SCUBE1: variants seen among roughly 807,000 people sequenced by gnomAD.
The protein encoded by SCUBE1 is signal peptide, CUB domain and EGF like domain containing 1, also known as signal peptide, CUB and EGF-like domain-containing protein 1.
In SCUBE1, 59 loss-of-function variants were observed where a neutral mutation model predicts 124.4. The ratio of observed to expected loss-of-function variants is 0.47; its 90% CI spans 0.38 to 0.59. The LOEUF (loss-of-function observed/expected upper bound fraction) is 0.59. SCUBE1 is among the 20% of genes least tolerant of loss of function. The pLI is 0.00. For synonymous variants in SCUBE1, 545 were observed against 550.9 expected (o/e 0.99, Z 0.15); for missense variants, 1,150 against 1,371.2 (o/e 0.84, Z 2.55).
chr22:43,334,786 A>C (rs1211079651), intron 2 of SCUBE1, among the ~76,000 whole-genome samples: 4 of 152,198 alleles, frequency 2.6e-5, no homozygotes, highest in African/African-American at 9.6e-5. Context: ...CATATGTGCC[A>C]AGCTATGTTC....
chr22:43,295,950 C>G (rs1399139339), intron 3 of SCUBE1, among the ~76,000 whole-genome samples: 1 of 152,052 alleles, frequency 6.6e-6, no homozygotes, highest in Non-Finnish European at 1.5e-5. Context: ...CTGGAGGAGG[C>G]GGAGGTGTTC....
chr22:43,293,443 T>G (rs772521731), intron 3 of SCUBE1, among the ~76,000 whole-genome samples: 10 of 152,218 alleles, frequency 6.6e-5, no homozygotes, highest in Admixed American at 2.0e-4. Context: ...GGCCCCAGGC[T>G]AAGCTGGCTG....
At position 43,258,121 on chromosome 22, in the gene SCUBE1, G is replaced by A. The variant is rs1290344182; in HGVS notation, c.727+98C>T. 1 of 869,462 alleles carries A rather than the reference G, an allele frequency of 1.2e-6. No homozygotes were observed. Among genetic ancestry groups the A allele is most frequent in the Non-Finnish European group, 1.9e-6 (1 of 521,984 alleles). 53.9% of individuals were successfully genotyped at this position (869,462 alleles called of 1,614,324 possible). Reference sequence around the variant, plus strand: ...TGTTTCCCTGAAGCTTCCTTCCGGGGAACCCGGACGTGGCAGGGTGCTGGC... The same window carrying A: ...TGTTTCCCTGAAGCTTCCTTCCGGGAAACCCGGACGTGGCAGGGTGCTGGC... On this transcript the variant is annotated intron_variant, in intron 6 of 21. Transcript: ENST00000360835. The surrounding 1 kb of genome is among the most constrained non-coding windows in gnomAD (Gnocchi z 5.0).
chr22:43,296,662 C>T (rs573838656), intron 3 of SCUBE1, among the ~76,000 whole-genome samples: 7 of 152,320 alleles, frequency 4.6e-5, no homozygotes, highest in East Asian at 3.9e-4. Flanking sequence ...CTGTCTGGAC[C>T]GGCGTGGTTG....
At chr22:43,227,883 C>T (rs756289867) in intron 9 of SCUBE1, among the ~76,000 whole-genome samples, 10 of 152,178 alleles carry the variant, frequency 6.6e-5, no homozygotes, top group Non-Finnish European at 1.3e-4. Flanking sequence ...TTTCTAGCCC[C>T]GGGTCCCCTG....
intron 4 of SCUBE1, chr22:43,282,262 C>G (rs116245429): frequency 6.6e-6 from 1 of 152,374 alleles, no homozygotes; most frequent in Non-Finnish European, 1.5e-5. Flanking sequence ...AGGATGGACA[C>G]GGGCACCCAT....
intron 6 of SCUBE1, among the ~76,000 whole-genome samples, chr22:43,252,489 G>C (rs553996203): frequency 6.6e-6 from 1 of 152,316 alleles, no homozygotes; most frequent in South Asian, 2.1e-4. Flanking sequence ...ACAGACTCTG[G>C]AGCCACGTGG....
chr22:43,322,268 C>T (rs1325214173), intron 2 of SCUBE1, among the ~76,000 whole-genome samples: 1 of 152,186 alleles, frequency 6.6e-6, no homozygotes, highest in Non-Finnish European at 1.5e-5. Context: ...CAGATGTAAG[C>T]CACCTCGTCC....
intron 1 of SCUBE1, among the ~76,000 whole-genome samples, chr22:43,342,365 C>T (rs1601907479): frequency 6.6e-6 from 1 of 152,054 alleles, no homozygotes; most frequent in East Asian, 1.9e-4. Flanking sequence ...TCCGGACTCT[C>T]CTCCCTGTGT....
intron 6 of SCUBE1, among the ~76,000 whole-genome samples, chr22:43,244,113 C>T (rs1202583557): frequency 6.6e-6 from 1 of 151,968 alleles, no homozygotes; most frequent in Non-Finnish European, 1.5e-5. Flanking sequence ...AAGGCCCAGA[C>T]CTCGCCTTTC....
chr22:43,204,237 T>G, intron 21 of SCUBE1, 88 bp from the exon 22 acceptor site: 42 of 1,097,368 alleles, frequency 3.8e-5, no homozygotes, highest in Non-Finnish European at 5.3e-5. Context: ...GGGAGAGAGA[T>G]GCGCTGGCTG....
intron 3 of SCUBE1, among the ~76,000 whole-genome samples, chr22:43,298,646 G>T (rs190900030): frequency 2.0e-5 from 3 of 152,188 alleles, no homozygotes; most frequent in Admixed American, 2.0e-4. Context: ...GGAGTCTACC[G>T]CCCAGTGCAG....
chr22:43,242,469 T>C (rs935416110), intron 6 of SCUBE1, among the ~76,000 whole-genome samples: 1 of 152,284 alleles, frequency 6.6e-6, no homozygotes, highest in Admixed American at 6.5e-5. Context: ...GGCAGTGGCA[T>C]CTCTGCCCGG....
chr22:43,322,594 G>A (rs1453978758), intron 2 of SCUBE1, among the ~76,000 whole-genome samples: 1 of 152,144 alleles, frequency 6.6e-6, no homozygotes, highest in South Asian at 2.1e-4. Context: ...CTGTCAGCAT[G>A]AGTATCACCT....
At chr22:43,287,950 G>A (rs758068558) in intron 4 of SCUBE1, among the ~76,000 whole-genome samples, 11 of 152,300 alleles carry the variant, frequency 7.2e-5, no homozygotes, top group African/African-American at 2.2e-4. Flanking sequence ...TTAATGGGCC[G>A]CTGACCACTG....
intron 2 of SCUBE1, among the ~76,000 whole-genome samples, chr22:43,334,788 G>T (rs942405156): frequency 2.6e-5 from 4 of 152,278 alleles, no homozygotes; most frequent in African/African-American, 9.6e-5. Context: ...TATGTGCCAA[G>T]CTATGTTCAA....
At chr22:43,304,566 G>T (rs1395273308) in intron 3 of SCUBE1, among the ~76,000 whole-genome samples, 1 of 152,180 alleles carries the variant, frequency 6.6e-6, no homozygotes, top group Non-Finnish European at 1.5e-5. Flanking sequence ...GGTGCATTTG[G>T]TGGTGAGAAG....
intron 6 of SCUBE1, among the ~76,000 whole-genome samples, chr22:43,251,965 G>C (rs923512894): frequency 3.3e-5 from 5 of 152,200 alleles, no homozygotes; most frequent in African/African-American, 1.2e-4. Context: ...CTCCCATGCA[G>C]CACCCCACGC....
In SCUBE1 at chr22:43,258,102, C is replaced by A. The variant is rs1923730806; in HGVS notation, c.727+117G>T. ...CCATGGGCTTGCCTTTCCTTGTTTC[C>A]CTGAAGCTTCCTTCCGGGGAACCCG... On this transcript the variant is annotated intron_variant, in intron 6 of 21. Coordinates refer to ENST00000360835, the MANE Select transcript of SCUBE1 (RefSeq NM_173050.5). This position sits in a 1 kb window ranked among gnomAD's most constrained non-coding sequence, Gnocchi z 5.0. 3 of 788,540 alleles carry A rather than the reference C, an allele frequency of 3.8e-6. 1 individual carries two copies. In the South Asian group the frequency reaches 4.4e-5, roughly 12 times the overall value. The allele number at this position is 788,540 out of a possible 1,614,324, so 48.8% of individuals were successfully genotyped here.
Sources: gnomAD v4.1 joint callset for allele counts (sites outside exome capture counted in the v4.1 genomes callset) on GRCh38, gnomAD v4.1.1 for gene constraint, Gnocchi (gnomAD v3.1) non-coding constraint, MANE v1.5 for transcripts, NCBI Gene and HGNC (gene_info 2026-07-23, HGNC 2026-07-21) for gene names.